Variants in SND1 observed in about 807,000 individuals in gnomAD.
The protein encoded by SND1 is staphylococcal nuclease domain-containing protein 1.
SND1 carries 38 observed loss-of-function variants against 121.7 expected under a neutral mutation model. The ratio of observed to expected loss-of-function variants is 0.31; its 90% CI spans 0.24 to 0.41. The LOEUF is 0.41. Ranked by LOEUF, SND1 falls within the 10% of genes least tolerant of loss-of-function variation. SND1 has a pLI of 1.00. For missense variants in SND1, 868 were observed against 1,184.6 expected (o/e 0.73, Z 3.92); for synonymous variants, 401 against 447.4 (o/e 0.90, Z 1.31).
chr7:127,715,164 G>GT (rs55679351), intron 9 of SND1, among the ~76,000 whole-genome samples: 2 of 145,656 alleles, frequency 1.4e-5, no homozygotes, highest in African/African-American at 5.0e-5. Context: ...TTTTGGTTTT[G>GT]TTTTTTTTTT....
At chr7:127,910,873 T>C (rs1471378996) in intron 14 of SND1, among the ~76,000 whole-genome samples, 1 of 152,176 alleles carries the variant, frequency 6.6e-6, no homozygotes, top group Non-Finnish European at 1.5e-5. Flanking sequence ...AGGGGTTGCC[T>C]AGCACTGGAG....
chr7:127,743,519 T>C (rs763965138), intron 10 of SND1, among the ~76,000 whole-genome samples: 14 of 152,214 alleles, frequency 9.2e-5, no homozygotes, highest in Admixed American at 9.2e-4. Context: ...CCACCCTCTC[T>C]CTCCTTCTCT....
intron 12 of SND1, among the ~76,000 whole-genome samples, chr7:127,849,550 A>G (rs931137512): frequency 2.0e-5 from 3 of 152,212 alleles, no homozygotes; most frequent in Admixed American, 6.5e-5. Flanking sequence ...AAACTGTCAC[A>G]TATACAGAAG....
At chr7:127,984,010 C>A (rs1297078152) in intron 15 of SND1, among the ~76,000 whole-genome samples, 1 of 152,146 alleles carries the variant, frequency 6.6e-6, no homozygotes, top group Non-Finnish European at 1.5e-5. Context: ...GTTATCCTGT[C>A]ACCCTCTTAG....
intron 16 of SND1, among the ~76,000 whole-genome samples, chr7:128,048,183 C>A (rs1792984386): frequency 1.3e-5 from 2 of 152,248 alleles, no homozygotes; most frequent in Admixed American, 1.3e-4. Context: ...TCAGAGAATG[C>A]AAGAGGCAGA....
intron 16 of SND1, chr7:128,030,471 C>G (rs775391856): frequency 3.7e-6 from 6 of 1,613,506 alleles, no homozygotes; most frequent in Admixed American, 1.7e-5. Flanking sequence ...CACCACCTTG[C>G]TGAACTGGTT....
At position 128,028,613 on chromosome 7, in the gene SND1, C is replaced by A. The variant is rs938045433; in HGVS notation, c.1779+37557C>A. 5.5e-6 allele frequency: 8 copies of A among 1,457,476 alleles called. No homozygotes were observed. In the Middle Eastern group the frequency reaches 9.8e-4, roughly 179 times the overall value. 90.3% of individuals were successfully genotyped at this position (1,457,476 alleles called of 1,614,324 possible). A position where few individuals can be genotyped will look rare whatever the true frequency, so the allele number is the denominator to read the frequency against. On this transcript the variant is annotated intron_variant, in intron 16 of 23. Coordinates refer to ENST00000354725, the MANE Select transcript of SND1 (RefSeq NM_014390.4). ...ATACAAGAAAAAGTCTCTCCCCACTCTGTACAAAAGTTGCTGTCTTTGTGT... is the reference window on the plus strand; with the variant it reads ...ATACAAGAAAAAGTCTCTCCCCACTATGTACAAAAGTTGCTGTCTTTGTGT...
intron 11 of SND1, among the ~76,000 whole-genome samples, chr7:127,839,023 G>A (rs891451213): frequency 2.0e-5 from 3 of 152,160 alleles, no homozygotes; most frequent in Admixed American, 6.5e-5. Context: ...AAGTTAGGTC[G>A]CTTATCTAAG....
At chr7:127,662,210 T>C (rs553716779) in intron 1 of SND1, among the ~76,000 whole-genome samples, 3 of 152,316 alleles carry the variant, frequency 2.0e-5, no homozygotes, top group East Asian at 1.9e-4. Flanking sequence ...GTGTATTTGC[T>C]TCCAAAATGT....
intron 9 of SND1, among the ~76,000 whole-genome samples, chr7:127,712,436 A>C (rs1365175894): frequency 6.6e-6 from 1 of 152,164 alleles, no homozygotes; most frequent in East Asian, 1.9e-4. Flanking sequence ...CAGGGATTAT[A>C]GGTGTGACCC....
chr7:127,955,303 G>A (rs556456453), intron 15 of SND1, among the ~76,000 whole-genome samples: 5 of 152,264 alleles, frequency 3.3e-5, no homozygotes, highest in South Asian at 4.1e-4. Context: ...TTGTTCCTGC[G>A]CTGTGTATTT....
intron 12 of SND1, among the ~76,000 whole-genome samples, chr7:127,878,135 GT>G (rs529324300): frequency 8.4e-4 from 128 of 152,078 alleles, no homozygotes; most frequent in Non-Finnish European, 1.6e-3. Context: ...AATCTTCATT[GT>G]TTTCTTTCCA....
chr7:128,070,027 G>T (rs890316165), intron 16 of SND1, among the ~76,000 whole-genome samples: 2 of 152,190 alleles, frequency 1.3e-5, no homozygotes, highest in African/African-American at 4.8e-5. Flanking sequence ...CACCCACTCT[G>T]CCAGCATCAA....
chr7:127,811,627 G>T (rs115974536), intron 11 of SND1, among the ~76,000 whole-genome samples: 2 of 152,088 alleles, frequency 1.3e-5, no homozygotes, highest in Non-Finnish European at 2.9e-5. Context: ...TTTGCCACAA[G>T]AATCAGGGTG....
intron 12 of SND1, among the ~76,000 whole-genome samples, chr7:127,882,877 C>T (rs567713220): frequency 6.6e-6 from 1 of 152,244 alleles, no homozygotes; most frequent in South Asian, 2.1e-4. Context: ...TCCAATTACA[C>T]ATGTCTGGCC....
chr7:128,024,064 CTGTGTG>C (rs3837141), intron 16 of SND1, among the ~76,000 whole-genome samples: 1 of 148,942 alleles, frequency 6.7e-6, no homozygotes, highest in Non-Finnish European at 1.5e-5. Context: ...TGCTATATTG[CTGTGTG>C]TGTGTGTGTG....
At chr7:127,833,988 ACTTC>A (rs1798817296) in intron 11 of SND1, among the ~76,000 whole-genome samples, 1 of 150,928 alleles carries the variant, frequency 6.6e-6, no homozygotes, top group African/African-American at 2.4e-5. Flanking sequence ...TTTGTGACTG[ACTTC>A]CTTCACTTAT....
chr7:127,685,268 G>A (rs554424838), intron 1 of SND1, among the ~76,000 whole-genome samples: 32 of 152,316 alleles, frequency 2.1e-4, no homozygotes, highest in Non-Finnish European at 4.0e-4. Context: ...GAAAGGAGCA[G>A]CTTCCTTTCA....
intron 16 of SND1, chr7:128,031,185 C>T (rs912829147): frequency 6.6e-6 from 1 of 152,292 alleles, no homozygotes; most frequent in Admixed American, 6.5e-5. Flanking sequence ...AGGTGCATGC[C>T]CCCCCCTCCG....
Sources: allele counts gnomAD v4.1 joint callset (sites outside exome capture counted in the v4.1 genomes callset), GRCh38; gene constraint gnomAD v4.1.1; transcripts MANE v1.5; gene names NCBI Gene and HGNC (gene_info 2026-07-23, HGNC 2026-07-21).